The following GNG7 variants were observed in gnomAD, a reference collection of about 807,000 sequenced individuals.
GNG7 encodes G protein subunit gamma 7.
In GNG7, 1 loss-of-function variant was observed where a neutral mutation model predicts 4.0. The observed-to-expected ratio is 0.25, with a 90% confidence interval of 0.09 to 1.18. GNG7 has a LOEUF of 1.18. GNG7 is among the 50% of genes most tolerant of loss of function. The pLI, the probability that GNG7 is intolerant of heterozygous loss-of-function variation, is 0.50. For missense variants in GNG7, 86 were observed against 91.9 expected (o/e 0.94, Z 0.26); for synonymous variants, 34 against 36.9 (o/e 0.92, Z 0.29).
intron 2 of GNG7, among the ~76,000 whole-genome samples, chr19:2,599,377 AC>A (rs1379279085): frequency 6.6e-6 from 1 of 151,652 alleles, no homozygotes; most frequent in Admixed American, 6.6e-5. Context: ...ATCCAAATAA[AC>A]CCAGCTGGTG....
rs61603373 is a variant in GNG7 at position 2,520,912 on chromosome 19, C to T, written c.-37-187G>A. Among the ~76,000 whole-genome samples, 1,009 of 152,188 alleles carry T rather than the reference C, an allele frequency of 6.6e-3. 12 individuals are homozygous for T. The highest frequency in any genetic ancestry group is 0.023 in the African/African-American group (958 of 41,530). On this transcript the variant is annotated intron_variant, in intron 3 of 4. Transcript: ENST00000382159. ...AACTCTCAGCATAGAGCCTGGCACG[C>T]GGTCAGCCGTCACAATCCTCTGTGG...
At chr19:2,534,357 A>T (rs1978675324) in intron 3 of GNG7, among the ~76,000 whole-genome samples, 1 of 152,158 alleles carries the variant, frequency 6.6e-6, no homozygotes, top group African/African-American at 2.4e-5. Context: ...CGCTTCTGAA[A>T]ATGCAGTTGA....
At chr19:2,627,612 C>A (rs1216433040) in intron 2 of GNG7, among the ~76,000 whole-genome samples, 1 of 152,228 alleles carries the variant, frequency 6.6e-6, no homozygotes, top group African/African-American at 2.4e-5. Context: ...GGGTGACTGG[C>A]TCGAGACTTG....
chr19:2,638,766 T>A (rs894453122), intron 2 of GNG7, among the ~76,000 whole-genome samples: 1 of 151,860 alleles, frequency 6.6e-6, no homozygotes, highest in African/African-American at 2.4e-5. Context: ...AGGGGAGGGT[T>A]GGGTCAGAAT....
intron 3 of GNG7, among the ~76,000 whole-genome samples, chr19:2,552,276 C>G (rs6510686): frequency 0.035 from 5,290 of 152,156 alleles, 124 homozygotes; most frequent in African/African-American, 0.056. Context: ...GCACTCCAGA[C>G]TGGGCAACAG....
intron 3 of GNG7, among the ~76,000 whole-genome samples, chr19:2,541,417 A>G (rs1206274541): frequency 1.3e-5 from 2 of 152,018 alleles, no homozygotes; most frequent in African/African-American, 4.8e-5. Context: ...AGCCTGGGCA[A>G]TACAGCGAGA....
intron 1 of GNG7, among the ~76,000 whole-genome samples, chr19:2,687,371 CT>C (rs1232015667): frequency 6.6e-6 from 1 of 150,840 alleles, no homozygotes; most frequent in Non-Finnish European, 1.5e-5. Flanking sequence ...AATGCCAGCA[CT>C]TTGGGAGGCC....
intron 3 of GNG7, among the ~76,000 whole-genome samples, chr19:2,530,283 C>T (rs1978541118): frequency 1.3e-5 from 2 of 151,004 alleles, no homozygotes; most frequent in South Asian, 4.2e-4. Flanking sequence ...CATGGTGGCA[C>T]GTGCCTGTAG....
intron 2 of GNG7, chr19:2,610,969 G>A (rs1322555308): frequency 1.6e-5 from 2 of 128,818 alleles, no homozygotes; most frequent in Non-Finnish European, 3.3e-5. Flanking sequence ...CGAGGGGGCG[G>A]GTGGGAGGGG....
chr19:2,529,925 G>A (rs1273374078), intron 3 of GNG7, among the ~76,000 whole-genome samples: 2 of 152,192 alleles, frequency 1.3e-5, no homozygotes, highest in Non-Finnish European at 2.9e-5. Context: ...AGATGAGAGG[G>A]CTCCTCTCAA....
chr19:2,642,815 C>G, intron 2 of GNG7: 1 of 456,786 alleles, frequency 2.2e-6, no homozygotes, highest in East Asian at 6.9e-5. Flanking sequence ...TTTGAAGAAG[C>G]CCAACACCAA....
chr19:2,598,481 C>T (rs1172473725), intron 2 of GNG7, among the ~76,000 whole-genome samples: 1 of 150,758 alleles, frequency 6.6e-6, no homozygotes, highest in Admixed American at 6.6e-5. Context: ...CACGGTGAAA[C>T]CCCATCTCTA....
At chr19:2,697,596 A>T (rs2144917025) in intron 1 of GNG7, among the ~76,000 whole-genome samples, 1 of 152,350 alleles carries the variant, frequency 6.6e-6, no homozygotes. Flanking sequence ...AAGTCAAGAA[A>T]TGTCAACGAG....
At chr19:2,686,559 A>T (rs1983876568) in intron 1 of GNG7, among the ~76,000 whole-genome samples, 1 of 152,086 alleles carries the variant, frequency 6.6e-6, no homozygotes, top group African/African-American at 2.4e-5. Flanking sequence ...GATCCCGGCC[A>T]ATCCCCGCAA....
intron 2 of GNG7, chr19:2,643,711 G>T (rs555198401): frequency 2.2e-6 from 1 of 449,822 alleles, no homozygotes; most frequent in Admixed American, 2.4e-5. Flanking sequence ...CTTCACTGGG[G>T]TGCAGTTACA....
chr19:2,696,221 GGAGA>G (rs1320974709), intron 1 of GNG7, among the ~76,000 whole-genome samples: 1 of 146,046 alleles, frequency 6.8e-6, no homozygotes, highest in African/African-American at 2.5e-5. Flanking sequence ...AGGGAAGAGA[GGAGA>G]GAGAGGAGAG....
At position 2,638,628 on chromosome 19, in the gene GNG7, T is replaced by C. The variant is rs368706040; in HGVS notation, c.-78+7596A>G. Among the ~76,000 whole-genome samples, 117 of 149,910 alleles carry C rather than the reference T, an allele frequency of 7.8e-4. 1 individual carries two copies. In the South Asian group the frequency reaches 0.024, roughly 31 times the overall value. Reference sequence around the variant, plus strand: ...CACTGTAGACATTGGGGCTGGATGATTCTCTTGGATGGGGCCATGTTGAGC... The same window carrying C: ...CACTGTAGACATTGGGGCTGGATGACTCTCTTGGATGGGGCCATGTTGAGC... On this transcript the variant is annotated intron_variant, in intron 2 of 4. Transcript: ENST00000382159.
intron 2 of GNG7, among the ~76,000 whole-genome samples, chr19:2,592,767 GA>G: frequency 8.8e-6 from 1 of 113,530 alleles, no homozygotes; most frequent in Admixed American, 9.7e-5. Flanking sequence ...AGGGGGAGGG[GA>G]AGGAAGGAAG....
chr19:2,623,705 A>G (rs1252726382), intron 2 of GNG7, among the ~76,000 whole-genome samples: 2 of 152,098 alleles, frequency 1.3e-5, no homozygotes, highest in Non-Finnish European at 2.9e-5. Flanking sequence ...ATGTGGTGAA[A>G]CCCCATCTCT....
Sources: allele counts gnomAD v4.1 joint callset (sites outside exome capture counted in the v4.1 genomes callset), GRCh38; gene constraint gnomAD v4.1.1; transcripts MANE v1.5; gene names NCBI Gene and HGNC (gene_info 2026-07-23, HGNC 2026-07-21).